Variants in ACOT11 observed in about 807,000 individuals in gnomAD.
The protein encoded by ACOT11 is acyl-CoA thioesterase 11.
ACOT11 carries 69 observed loss-of-function variants against 77.5 expected under a neutral mutation model. The ratio of observed to expected loss-of-function variants is 0.89; its 90% CI spans 0.73 to 1.09. ACOT11 has a LOEUF of 1.09. Among genes scored for constraint, ACOT11 ranks in the 50% least tolerant of loss-of-function variants. The pLI is 0.00. For synonymous variants in ACOT11, 279 were observed against 313.0 expected, an observed-to-expected ratio of 0.89 and a Z score of 1.15; for missense variants, 766 against 813.7, an observed-to-expected ratio of 0.94 and a Z score of 0.71.
intron 1 of ACOT11, among the ~76,000 whole-genome samples, chr1:54,550,640 C>T (rs1038016264): frequency 2.0e-5 from 3 of 151,658 alleles, no homozygotes; most frequent in Non-Finnish European, 4.4e-5. Context: ...ATGGTGAAAC[C>T]CCATCTCTAC....
At chr1:54,558,779 G>C (rs939848780) in intron 1 of ACOT11, among the ~76,000 whole-genome samples, 2 of 152,232 alleles carry the variant, frequency 1.3e-5, no homozygotes, top group South Asian at 4.1e-4. Context: ...AGGACCTGCA[G>C]GCTGGGGGTC....
At chr1:54,602,193 C>G (rs1216202752) in intron 9 of ACOT11, among the ~76,000 whole-genome samples, 5 of 152,220 alleles carry the variant, frequency 3.3e-5, no homozygotes, top group Admixed American at 3.3e-4. Context: ...GGTGCTGATC[C>G]TGGCCTCGGC....
chr1:54,601,132 T>A, intron 8 of ACOT11, 137 bp from the exon 9 acceptor site: 1 of 823,304 alleles, frequency 1.2e-6, no homozygotes, highest in Non-Finnish European at 1.8e-6. Context: ...TGTGTATGTG[T>A]GTGCATACGT....
intron 1 of ACOT11, among the ~76,000 whole-genome samples, chr1:54,558,385 G>T (rs1024643761): frequency 6.6e-6 from 1 of 152,168 alleles, no homozygotes; most frequent in Admixed American, 6.5e-5. Context: ...AATTGTGTCC[G>T]TATTAAAGAT....
intron 1 of ACOT11, among the ~76,000 whole-genome samples, chr1:54,572,671 G>A (rs746571400): frequency 6.6e-6 from 1 of 152,252 alleles, no homozygotes; most frequent in Non-Finnish European, 1.5e-5. Flanking sequence ...TCTGCTGGAG[G>A]TAGAGGGTGG....
intron 15 of ACOT11, among the ~76,000 whole-genome samples, chr1:54,620,722 G>A (rs969343823): frequency 5.9e-5 from 9 of 151,476 alleles, no homozygotes; most frequent in Middle Eastern, 3.4e-3. Flanking sequence ...GGTGGCAGGA[G>A]CCTGTAATCC....
intron 1 of ACOT11, among the ~76,000 whole-genome samples, chr1:54,550,643 A>G (rs1182567943): frequency 6.6e-6 from 1 of 151,632 alleles, no homozygotes; most frequent in East Asian, 1.9e-4. Flanking sequence ...GTGAAACCCC[A>G]TCTCTACCAA....
chr1:54,618,230 G>A (rs1269513739), intron 15 of ACOT11, among the ~76,000 whole-genome samples: 3 of 152,098 alleles, frequency 2.0e-5, no homozygotes, highest in Non-Finnish European at 2.9e-5. Context: ...TCAGCCGGGC[G>A]CGGTGGCTCA....
chr1:54,608,977 C>T lies in ACOT11; in HGVS notation c.1650C>T (p.Ala550=), dbSNP rs1461247600. ...QLTKVSYYNQ[A]TPGVLNYVTT... ...TGCAGGTATCCTACTACAACCAGGC[C>T]ACCCCAGGTGTTCTCAACTATGTGA... Residue 550 remains alanine, a synonymous_variant, in exon 16 of 16, where the codon GCC becomes GCT. Transcript: ENST00000343744. 2 of 1,613,944 alleles carry T rather than the reference C, an allele frequency of 1.2e-6. No individual in the cohort carries two copies. Among genetic ancestry groups the T allele is most frequent in the African/African-American group, 1.3e-5 (1 of 74,924 alleles).
At chr1:54,603,217 G>A (rs760438869) in intron 10 of ACOT11, among the ~76,000 whole-genome samples, 1 of 152,188 alleles carries the variant, frequency 6.6e-6, no homozygotes, top group Non-Finnish European at 1.5e-5. Context: ...CTCGCCTGTA[G>A]TCCCAGTGCA....
chr1:54,619,593 C>G (rs753639880), intron 15 of ACOT11, among the ~76,000 whole-genome samples: 9 of 152,196 alleles, frequency 5.9e-5, no homozygotes, highest in Non-Finnish European at 1.0e-4. Flanking sequence ...AGTTTGGTCC[C>G]TGACAGGTCG....
chr1:54,555,905 G>A (rs563603583), intron 1 of ACOT11, among the ~76,000 whole-genome samples: 35 of 152,020 alleles, frequency 2.3e-4, no homozygotes, highest in African/African-American at 8.0e-4. Context: ...ATGCCACCAC[G>A]CCTAACTAAC....
chr1:54,611,880 C>T (rs1644122586), downstream of ACOT11: 1 of 984,634 alleles, frequency 1.0e-6, no homozygotes, highest in Non-Finnish European at 1.5e-6. Flanking sequence ...TGCCACTTCT[C>T]CCTGAGTCCT....
intron 15 of ACOT11, among the ~76,000 whole-genome samples, chr1:54,617,925 C>G (rs1336172376): frequency 4.0e-5 from 6 of 150,870 alleles, no homozygotes; most frequent in Non-Finnish European, 1.5e-5. Context: ...TGCGGTTTCA[C>G]CATATCAGTC....
intron 1 of ACOT11, among the ~76,000 whole-genome samples, chr1:54,571,752 G>A (rs1289789732): frequency 6.6e-6 from 1 of 152,180 alleles, no homozygotes; most frequent in Non-Finnish European, 1.5e-5. Context: ...GGGGAAGCTG[G>A]GTAAGGTGGG....
At chr1:54,635,159 C>T (rs375789928) in exon 17 of ACOT11, 8 of 234,346 alleles carry the variant, frequency 3.4e-5, no homozygotes, top group East Asian at 1.3e-4. Flanking sequence ...AAAAAATGAA[C>T]GTACTTATTT....
intron 6 of ACOT11, among the ~76,000 whole-genome samples, chr1:54,596,012 A>G (rs1305186467): frequency 6.6e-6 from 1 of 152,134 alleles, no homozygotes; most frequent in Non-Finnish European, 1.5e-5. Flanking sequence ...TCCTACAGTC[A>G]TCAAGGCCCC....
rs761793159 is a variant in ACOT11, at chr1:54,607,233, C to T, written c.1470C>T (p.Ile490=). 4.6e-5 allele frequency: 75 copies of T among 1,614,072 alleles called. No homozygotes were observed. The highest frequency in any genetic ancestry group is 6.1e-5 in the Non-Finnish European group (72 of 1,180,044). ...GGHTKPQDFV[I]LASRRKPCDN... is the part of the protein sequence containing the mutation. ...ACACAAAGCCCCAGGACTTCGTGAT[C>T]CTGGCCTCGAGGCGGAAGCCTTGTG... The change falls in exon 14 of 16, where the codon ATC becomes ATT. Residue 490 remains isoleucine, a synonymous_variant. Transcript: ENST00000343744. This position sits in a 1 kb window ranked among gnomAD's most constrained non-coding sequence, Gnocchi z 4.5.
intron 15 of ACOT11, among the ~76,000 whole-genome samples, chr1:54,622,612 G>A (rs1459984875): frequency 6.6e-6 from 1 of 151,760 alleles, no homozygotes; most frequent in Non-Finnish European, 1.5e-5. Flanking sequence ...GGTTGCACAC[G>A]CCTGTGATCC....
Sources: allele counts gnomAD v4.1 joint callset (sites outside exome capture counted in the v4.1 genomes callset), GRCh38; gene constraint gnomAD v4.1.1; non-coding constraint Gnocchi (gnomAD v3.1); transcripts MANE v1.5; gene names NCBI Gene and HGNC (gene_info 2026-07-23, HGNC 2026-07-21).